The following RYR2 variants were observed in gnomAD, a reference collection of about 807,000 sequenced individuals.
RYR2 encodes ryanodine receptor 2, also known as cardiac muscle ryanodine receptor-calcium release channel.
A neutral mutation model predicts 601.1 loss-of-function variants in RYR2; 227 were observed. The ratio of observed to expected loss-of-function variants is 0.38; its 90% CI spans 0.34 to 0.42. The LOEUF (loss-of-function observed/expected upper bound fraction) is 0.42, where lower values mean the gene tolerates loss of function less well. Ranked by LOEUF, RYR2 falls within the 10% of genes least tolerant of loss-of-function variation. The pLI, the probability that RYR2 is intolerant of heterozygous loss-of-function variation, is 1.00. For synonymous variants in RYR2, 2,223 were observed against 2,175.1 expected (o/e 1.02, Z -0.61); for missense variants, 4,646 against 6,156.5 (o/e 0.75, Z 8.21).
Position 237,643,410 on chromosome 1 carries a change from T to C in RYR2, c.7305T>C (p.Val2435=), listed in dbSNP as rs1681779878. The change falls in exon 48 of 105, where the codon GTT becomes GTC. Residue 2435 remains valine, a synonymous_variant. Coordinates refer to ENST00000366574, the MANE Select transcript of RYR2 (RefSeq NM_001035.3). ...SLIPLGDLVG[V]ISIAFQMPTI... is the part of the protein sequence containing the mutation. Reference sequence around the variant, plus strand: ...TTCCCCTGGGAGATTTGGTGGGCGTTATCAGCATCGCTTTTCAGATGCCAA... The same window carrying C: ...TTCCCCTGGGAGATTTGGTGGGCGTCATCAGCATCGCTTTTCAGATGCCAA... 1.2e-6 allele frequency: 2 copies of C among 1,613,800 alleles called. No homozygotes were observed. Among genetic ancestry groups the C allele is most frequent in the Non-Finnish European group, 1.7e-6 (2 of 1,179,856 alleles).
At chr1:237,250,255 C>T (rs111351015) in intron 1 of RYR2, among the ~76,000 whole-genome samples, 7,230 of 152,270 alleles carry the variant, frequency 0.047, 244 homozygotes, top group Non-Finnish European at 0.065. Context: ...TGTGTTAACA[C>T]AGACACTATC....
At chr1:237,273,858 G>T (rs1437696545) in intron 2 of RYR2, among the ~76,000 whole-genome samples, 1 of 147,324 alleles carries the variant, frequency 6.8e-6, no homozygotes, top group East Asian at 2.0e-4. Flanking sequence ...TTTATATATT[G>T]TATATTTTAT....
In RYR2 at chr1:237,218,502, T is replaced by C. The variant is rs148401027; in HGVS notation, c.49-51995T>C. ...GTTGGACAACTGACCCAAGATGCTA[T>C]AGGTTTTCAGCTTGCTTTCTTTCTG... On this transcript the variant is annotated intron_variant, in intron 1 of 104. Transcript: ENST00000366574. Among the ~76,000 whole-genome samples the C allele has an allele frequency of 3.1e-3, 479 of 152,276 alleles. 5 individuals carry two copies. Among genetic ancestry groups the C allele is most frequent in the African/African-American group, 0.011 (465 of 41,566 alleles).
In RYR2 at chr1:237,733,686, T is replaced by C. The variant is rs934292421; in HGVS notation, c.11040-19T>C. On this transcript the variant is annotated intron_variant, in intron 78 of 104. Transcript: ENST00000366574. The stretch of plus-strand genomic sequence containing the variant: ...AGCCTTCTGCTTAAACACTGATGTT[T>C]TCTTCTTGCTTTCCCCAGCAAACTG... The C allele has an allele frequency of 3.1e-6, 5 of 1,590,718 alleles. No homozygotes were observed. Among genetic ancestry groups the C allele is most frequent in the Non-Finnish European group, 3.4e-6 (4 of 1,159,756 alleles).
At chr1:237,258,626 G>C (rs1441627976) in intron 1 of RYR2, among the ~76,000 whole-genome samples, 1 of 152,178 alleles carries the variant, frequency 6.6e-6, no homozygotes, top group Non-Finnish European at 1.5e-5. Context: ...AAGTGTTCAA[G>C]ACTTTCTTTG....
chr1:237,506,234 T>C (rs1665223942), intron 22 of RYR2, among the ~76,000 whole-genome samples: 1 of 151,482 alleles, frequency 6.6e-6, no homozygotes, highest in Non-Finnish European at 1.5e-5. Context: ...GGTACCAAAA[T>C]TTATTTAAAG....
chr1:237,802,664 A>G (rs999628453), intron 98 of RYR2, among the ~76,000 whole-genome samples: 4 of 152,204 alleles, frequency 2.6e-5, no homozygotes, highest in Non-Finnish European at 5.9e-5. Flanking sequence ...TTTCTCATCC[A>G]AATGGGAGCA....
chr1:237,556,880 CAAAAAAAA>C (rs869116177), intron 27 of RYR2, among the ~76,000 whole-genome samples: 138 of 77,832 alleles, frequency 1.8e-3, no homozygotes, highest in African/African-American at 7.1e-3. Flanking sequence ...TCCCTCCCAC[CAAAAAAAA>C]AAAAAAAAAA....
rs185700715 is a variant in RYR2 at position 237,275,313 on chromosome 1, G to A, written c.168+4697G>A. ...TTAAAATAAGAACTTAAAATTATAA[G>A]CATGACTACAAAGCCAAATCTAACA... On this transcript the variant is annotated intron_variant, in intron 2 of 104. Transcript: ENST00000366574. Among the ~76,000 whole-genome samples the A allele has an allele frequency of 1.9e-3, 286 of 151,916 alleles. 1 individual carries two copies. The highest frequency in any genetic ancestry group is 6.5e-3 in the African/African-American group (271 of 41,462).
chr1:237,459,525 A>C (rs1165980405), intron 16 of RYR2, among the ~76,000 whole-genome samples: 1 of 152,188 alleles, frequency 6.6e-6, no homozygotes, highest in Non-Finnish European at 1.5e-5. Flanking sequence ...TTTTCATATC[A>C]ACTCTTTTTA....
intron 1 of RYR2, among the ~76,000 whole-genome samples, chr1:237,164,666 A>G (rs1257593453): frequency 1.2e-4 from 18 of 152,226 alleles, no homozygotes; most frequent in Non-Finnish European, 4.4e-5. Context: ...CACTTTAGCC[A>G]GAGGGCACTT....
intron 42 of RYR2, among the ~76,000 whole-genome samples, chr1:237,632,295 C>T (rs571385612): frequency 6.6e-6 from 1 of 151,896 alleles, no homozygotes; most frequent in Admixed American, 6.6e-5. Context: ...CTCCATGACA[C>T]AGACATTGGT....
At chr1:237,215,674 T>C (rs909849924) in intron 1 of RYR2, among the ~76,000 whole-genome samples, 5 of 152,192 alleles carry the variant, frequency 3.3e-5, no homozygotes, top group Non-Finnish European at 7.4e-5. Context: ...TTAGGAATTA[T>C]ATAGGATGAT....
At chr1:237,150,549 T>G (rs1342461254) in intron 1 of RYR2, among the ~76,000 whole-genome samples, 2 of 152,038 alleles carry the variant, frequency 1.3e-5, no homozygotes, top group Admixed American at 1.3e-4. Context: ...TGAAAAGAAC[T>G]GAAAACAATG....
chr1:237,332,150 TA>T (rs1372739443), intron 3 of RYR2, among the ~76,000 whole-genome samples: 5 of 152,252 alleles, frequency 3.3e-5, no homozygotes, highest in African/African-American at 9.6e-5. Flanking sequence ...ATAAAGAGAT[TA>T]AAAAATGGTA....
At chr1:237,772,156 A>G in intron 86 of RYR2, 56 bp downstream of exon 86, 1 of 933,720 alleles carries the variant, frequency 1.1e-6, no homozygotes, top group South Asian at 1.5e-5. Flanking sequence ...TTGAAACAAT[A>G]CGGCAGAGTT....
At chr1:237,698,258 A>G (rs1262368008) in intron 63 of RYR2, among the ~76,000 whole-genome samples, 1 of 152,068 alleles carries the variant, frequency 6.6e-6, no homozygotes, top group African/African-American at 2.4e-5. Flanking sequence ...GAAGAAAAAT[A>G]TATGTAATGC....
chr1:237,610,742 T>C lies in RYR2; in HGVS notation c.4684-20T>C. ...AGGGATGTTCTACATTTATTCTTTT[T>C]CTGCCTCCCCATCCGCTAGAATGTG... On this transcript the variant is annotated intron_variant, in intron 35 of 104. Transcript: ENST00000366574. This position sits in a 1 kb window ranked among gnomAD's most constrained non-coding sequence, Gnocchi z 4.9. The C allele has an allele frequency of 6.4e-7, 1 of 1,563,656 alleles. No homozygotes were observed. Among genetic ancestry groups the C allele is most frequent in the Non-Finnish European group, 8.7e-7 (1 of 1,151,046 alleles).
chr1:237,065,269 CTTTTTTTTTTTTT>C (rs766039441), intron 1 of RYR2, among the ~76,000 whole-genome samples: 1 of 77,492 alleles, frequency 1.3e-5, no homozygotes, highest in African/African-American at 5.2e-5. Context: ...GTGTGCTATC[CTTTTTTTTTTTTT>C]TTTTTTTTTT....
Sources: gnomAD v4.1 joint callset for allele counts (sites outside exome capture counted in the v4.1 genomes callset) on GRCh38, gnomAD v4.1.1 for gene constraint, Gnocchi (gnomAD v3.1) non-coding constraint, MANE v1.5 for transcripts, NCBI Gene and HGNC (gene_info 2026-07-23, HGNC 2026-07-21) for gene names.